Variants in ABCF2 observed in about 807,000 individuals in gnomAD.
ABCF2 encodes the protein ATP-binding cassette sub-family F member 2.
ABCF2 carries 37 observed loss-of-function variants against 76.9 expected under a neutral mutation model. That is an observed-to-expected ratio of 0.48 (90% confidence interval 0.37 to 0.63). The LOEUF is 0.63. Among genes scored for constraint, ABCF2 ranks in the 30% least tolerant of loss-of-function variants. The probability of loss-of-function intolerance (pLI) is 0.00; values close to 1 mark genes in which losing one functional copy is unlikely to be tolerated. For synonymous variants in ABCF2, 299 were observed against 283.7 expected (o/e 1.05, Z -0.54); for missense variants, 524 against 782.1 (o/e 0.67, Z 3.94).
chr7:151,212,965 T>C lies in ABCF2; in HGVS notation c.*1089A>G, dbSNP rs961779492. 3 of 629,424 alleles carry C rather than the reference T, an allele frequency of 4.8e-6. No individual in the cohort carries two copies. Among genetic ancestry groups the C allele is most frequent in the African/African-American group, 4.0e-5 (2 of 50,078 alleles). 39.0% of individuals were successfully genotyped at this position (629,424 alleles called of 1,614,324 possible). ...AGGCACATAAAGACGGGTTTTGCCA[T>C]GTTTCCCAAGCTGGTCTTGAACTCC... On this transcript the variant is annotated 3_prime_UTR_variant, in exon 15 of 15. Transcript: ENST00000287844.
Position 151,223,100 on chromosome 7 carries a change from C to A in ABCF2, c.723-484G>T, listed in dbSNP as rs374670811. Among the ~76,000 whole-genome samples the A allele has an allele frequency of 2.0e-5, 3 of 152,278 alleles. No individual in the cohort carries two copies. In the South Asian group the frequency reaches 6.2e-4, roughly 32 times the overall value. The stretch of plus-strand genomic sequence containing the variant: ...GTGAACCGGAGGCAGCTAATCCTTG[C>A]TAGCATGTGGAACCACTGTGCTTAT... On this transcript the variant is annotated intron_variant, in intron 5 of 14. Coordinates refer to ENST00000287844, the MANE Select transcript of ABCF2 (RefSeq NM_007189.3).
Position 151,213,776 on chromosome 7 carries a change from A to G in ABCF2, c.*278T>C. 1.6e-6 allele frequency: 2 copies of G among 1,231,810 alleles called. No homozygotes were observed. The highest frequency in any genetic ancestry group is 2.0e-6 in the Non-Finnish European group (2 of 983,910). The allele number at this position is 1,231,810 out of a possible 1,614,324, so 76.3% of individuals were successfully genotyped here. A position where few individuals can be genotyped will look rare whatever the true frequency, so the allele number is the denominator to read the frequency against. On this transcript the variant is annotated 3_prime_UTR_variant, in exon 15 of 15. Coordinates refer to ENST00000287844, the MANE Select transcript of ABCF2 (RefSeq NM_007189.3). ...CCGCAGGTGCCTCTGACTGCATCAC[A>G]CTCAGAGTAAGATAACCAGCAAGGG... is the stretch of plus-strand genomic sequence containing the variant.
At chr7:151,220,830 A>G (rs1802252334) in intron 7 of ABCF2, among the ~76,000 whole-genome samples, 1 of 152,260 alleles carries the variant, frequency 6.6e-6, no homozygotes, top group Non-Finnish European at 1.5e-5. Context: ...TCTACTAAAA[A>G]TACAAAAACT....
chr7:151,218,282 AAG>A, intron 10 of ABCF2, 91 bp from the exon 11 acceptor site: 1 of 947,924 alleles, frequency 1.1e-6, no homozygotes, highest in Non-Finnish European at 1.7e-6. Context: ...CCCAGTCACC[AAG>A]AGAGGAGGAA....
intron 7 of ABCF2, among the ~76,000 whole-genome samples, chr7:151,221,199 C>A (rs887360879): frequency 8.9e-5 from 13 of 146,248 alleles, no homozygotes; most frequent in Non-Finnish European, 1.6e-4. Context: ...ATAGATAGGT[C>A]TGCTTTTTTT....
In ABCF2 at chr7:151,218,482, ACAGAACAGGAGCAACTCC is replaced by A; in HGVS notation, c.1227+61_1227+78del. 9.2e-6 allele frequency: 12 copies of A among 1,302,730 alleles called. No individual in the cohort carries two copies. The Admixed American group carries it at 2.1e-4, about 23-fold the overall frequency. 80.7% of individuals were successfully genotyped at this position (1,302,730 alleles called of 1,614,324 possible). A position where few individuals can be genotyped will look rare whatever the true frequency, so the allele number is the denominator to read the frequency against. ...ACGTGGGCTAGCAGGTGTGGTCAGC[ACAGAACAGGAGCAACTCC>A]CATGAGCTGCCACTCACCCTAAGAT... On this transcript the variant is annotated intron_variant, in intron 10 of 14. Coordinates refer to ENST00000287844, the MANE Select transcript of ABCF2 (RefSeq NM_007189.3).
In ABCF2 at chr7:151,213,936, G is replaced by A. The variant is rs1802099658; in HGVS notation, c.*118C>T. On this transcript the variant is annotated 3_prime_UTR_variant, in exon 15 of 15. Transcript: ENST00000287844. ...GGTTGAGGGGCAGGGGAGAGGCTGG[G>A]GGAGCAGTATTGCAGCAATGCAGGA... The A allele has an allele frequency of 2.6e-6, 4 of 1,510,196 alleles. No homozygotes were observed. Among genetic ancestry groups the A allele is most frequent in the South Asian group, 2.7e-5 (2 of 74,252 alleles). The allele number at this position is 1,510,196 out of a possible 1,614,324, so 93.5% of individuals were successfully genotyped here. A position where few individuals can be genotyped will look rare whatever the true frequency, so the allele number is the denominator to read the frequency against.
At chr7:151,219,384 C>A (rs535029189) in intron 7 of ABCF2, among the ~76,000 whole-genome samples, 15 of 152,192 alleles carry the variant, frequency 9.9e-5, no homozygotes, top group Non-Finnish European at 1.5e-4. Context: ...CAGGCTCCAG[C>A]GCAAATCCTT....
Position 151,216,004 on chromosome 7 carries a change from C to T in ABCF2, c.1364G>A (p.Arg455Gln), listed in dbSNP as rs1175580450. The T allele has an allele frequency of 1.2e-6, 2 of 1,613,986 alleles. No homozygotes were observed. Among genetic ancestry groups the T allele is most frequent in the African/African-American group, 1.3e-5 (1 of 74,894 alleles). The change falls in exon 12 of 15, where the codon CGA (arginine) becomes CAA (glutamine). Residue 455 changes from arginine to glutamine, a missense_variant. Arg to Gln is a conservative substitution (Grantham distance 43). Around this residue, in one of 2 missense-constraint regions of ABCF2, gnomAD observed 194 missense variants for 348.6 expected, o/e 0.56. Transcript: ENST00000287844. ...CCCTATCTTGACATGAGAGTGTTTT[C>T]GGATCATGCCATCTGTGGGTAGTAG... ...GELLPTDGMI[R>Q]KHSHVKIGRY...
In ABCF2 at chr7:151,223,950, G is replaced by A. The variant is rs150765756; in HGVS notation, c.532C>T (p.Arg178Trp). 6.8e-6 allele frequency: 11 copies of A among 1,613,116 alleles called. No individual in the cohort carries two copies. Among genetic ancestry groups the A allele is most frequent in the African/African-American group, 4.0e-5 (3 of 74,892 alleles). The change falls in exon 4 of 15, where the codon CGG becomes TGG. Residue 178 changes from arginine (R) to tryptophan (W), a missense_variant. Arg to Trp is a moderately radical substitution (Grantham distance 101). Transcript: ENST00000287844. ...GCCCTACCATCCTCATGAGCCAGCCGCTCTGCCTCTTTCTCCAGCATGGCC... is the reference window on the plus strand; with the variant it reads ...GCCCTACCATCCTCATGAGCCAGCCACTCTGCCTCTTTCTCCAGCATGGCC... ...ERAMLEKEAE[R>W]LAHEDAECEK...
At position 151,214,643 on chromosome 7, in the gene ABCF2, A is replaced by G. The variant is rs1054365110; in HGVS notation, c.1734+236T>C. Among the ~76,000 whole-genome samples, 2 of 152,202 alleles carry G rather than the reference A, an allele frequency of 1.3e-5. No homozygotes were observed. Among genetic ancestry groups the G allele is most frequent in the African/African-American group, 4.8e-5 (2 of 41,438 alleles). ...CAACTCTCTTTCCCATTTGGGCCCA[A>G]AATGCTAAGTTGGTTGACATCTCCA... On this transcript the variant is annotated intron_variant, in intron 14 of 14. Coordinates refer to ENST00000287844, the MANE Select transcript of ABCF2 (RefSeq NM_007189.3). This position sits in a 1 kb window ranked among gnomAD's most constrained non-coding sequence, Gnocchi z 4.9.
At chr7:151,221,745 C>A in intron 6 of ABCF2, 65 bp from the exon 7 acceptor site, 1 of 1,251,796 alleles carries the variant, frequency 8.0e-7, no homozygotes, top group Non-Finnish European at 1.2e-6. Flanking sequence ...AACAGGTGAA[C>A]TGAAAGTCAG....
chr7:151,218,656 A>C lies in ABCF2; in HGVS notation c.1138-6T>G. 1 of 1,614,020 alleles carries C rather than the reference A, an allele frequency of 6.2e-7. No homozygotes were observed. The highest frequency in any genetic ancestry group is 8.5e-7 in the Non-Finnish European group (1 of 1,179,960). On this transcript the variant is annotated splice_region_variant and splice_polypyrimidine_tract_variant and intron_variant, in intron 9 of 14. Coordinates refer to ENST00000287844, the MANE Select transcript of ABCF2 (RefSeq NM_007189.3). ...GGGAAATAAAATGACAGTGTCTAGGAAGAAAAGAGGGCATTTATCAAGTTG... is the reference window on the plus strand; with the variant it reads ...GGGAAATAAAATGACAGTGTCTAGGCAGAAAAGAGGGCATTTATCAAGTTG...
rs73169651 is a variant in ABCF2, at chr7:151,211,800, C to A, written c.*2254G>T. The A allele has an allele frequency of 0.1, 103,434 of 985,274 alleles. 5,667 individuals are homozygous for A. The highest frequency in any genetic ancestry group is 0.11 in the Non-Finnish European group (92,106 of 829,878). The allele number at this position is 985,274 out of a possible 1,614,324, so 61.0% of individuals were successfully genotyped here. The stretch of plus-strand genomic sequence containing the variant: ...CTAACCTGGGCCATTTTGCTCCAGG[C>A]CCCACTTAAGGCATAAAGCAGTCAA... On this transcript the variant is annotated 3_prime_UTR_variant, in exon 15 of 15. Transcript: ENST00000287844.
Position 151,214,836 on chromosome 7 carries a change from C to T in ABCF2, c.1734+43G>A, listed in dbSNP as rs756318790. The T allele has an allele frequency of 6.3e-7, 1 of 1,599,748 alleles. No homozygotes were observed. Among genetic ancestry groups the T allele is most frequent in the African/African-American group, 1.3e-5 (1 of 74,648 alleles). The stretch of plus-strand genomic sequence containing the variant: ...ATGCCATGACTACCCTACCCAACCC[C>T]CTAGAAGCTCTGCTGTGCCTCACCC... On this transcript the variant is annotated intron_variant, in intron 14 of 14. Coordinates refer to ENST00000287844, the MANE Select transcript of ABCF2 (RefSeq NM_007189.3). This position sits in a 1 kb window ranked among gnomAD's most constrained non-coding sequence, Gnocchi z 4.9.
chr7:151,213,343 C>A lies in ABCF2; in HGVS notation c.*711G>T. ...TGAATCACAGGCCTGAGAAAAGGTA[C>A]AATTTCAAATCAGAAGTAAAGGGAC... On this transcript the variant is annotated 3_prime_UTR_variant, in exon 15 of 15. Transcript: ENST00000287844. The A allele has an allele frequency of 1.0e-6, 1 of 985,336 alleles. No individual in the cohort carries two copies. Among genetic ancestry groups the A allele is most frequent in the Non-Finnish European group, 1.2e-6 (1 of 829,892 alleles). 61.0% of individuals were successfully genotyped at this position (985,336 alleles called of 1,614,324 possible). A position where few individuals can be genotyped will look rare whatever the true frequency, so the allele number is the denominator to read the frequency against.
chr7:151,218,921 T>C, intron 8 of ABCF2, 48 bp from the exon 9 acceptor site: 1 of 1,610,410 alleles, frequency 6.2e-7, no homozygotes. Context: ...CGCTCAACAA[T>C]TCATCTTCAA....
At position 151,215,797 on chromosome 7, in the gene ABCF2, G is replaced by T. The variant is rs145187860; in HGVS notation, c.1402-65C>A. 6.2e-7 allele frequency: 1 copy of T among 1,610,148 alleles called. No homozygotes were observed. Among genetic ancestry groups the T allele is most frequent in the African/African-American group, 1.3e-5 (1 of 74,878 alleles). ...CCCGCTTCAAAATAAACCCTACTAG[G>T]TAACTTCCTATTTCTATCCCAGGCA... On this transcript the variant is annotated intron_variant, in intron 12 of 14. Coordinates refer to ENST00000287844, the MANE Select transcript of ABCF2 (RefSeq NM_007189.3). The surrounding 1 kb of genome is among the most constrained non-coding windows in gnomAD (Gnocchi z 4.6).
Position 151,214,741 on chromosome 7 carries a change from C to A in ABCF2, c.1734+138G>T. The A allele has an allele frequency of 2.6e-6, 2 of 768,750 alleles. No individual in the cohort carries two copies. Among genetic ancestry groups the A allele is most frequent in the East Asian group, 2.7e-5 (1 of 37,668 alleles). 47.6% of individuals were successfully genotyped at this position (768,750 alleles called of 1,614,324 possible). A position where few individuals can be genotyped will look rare whatever the true frequency, so the allele number is the denominator to read the frequency against. On this transcript the variant is annotated intron_variant, in intron 14 of 14. Coordinates refer to ENST00000287844, the MANE Select transcript of ABCF2 (RefSeq NM_007189.3). This position sits in a 1 kb window ranked among gnomAD's most constrained non-coding sequence, Gnocchi z 4.9. ...GCCCCAAAGAGGCATAAGAACTGGT[C>A]CTCACCACCTGTGTCTACACTCTGA...
Sources: gnomAD v4.1 joint callset for allele counts (sites outside exome capture counted in the v4.1 genomes callset) on GRCh38, gnomAD v4.1.1 for gene constraint, gnomAD v4.1.1 regional missense constraint, Gnocchi (gnomAD v3.1) non-coding constraint, MANE v1.5 for transcripts, NCBI Gene and HGNC (gene_info 2026-07-23, HGNC 2026-07-21) for gene names.